Variants in PTPRM observed in about 807,000 individuals in gnomAD.
PTPRM encodes the protein receptor-type tyrosine-protein phosphatase mu.
In PTPRM, 47 loss-of-function variants were observed where a neutral mutation model predicts 186.7. That is an observed-to-expected ratio of 0.25 (90% CI 0.20 to 0.32). PTPRM has a LOEUF of 0.32. PTPRM is among the 10% of genes least tolerant of loss of function. The pLI is 1.00. For synonymous variants in PTPRM, 668 were observed against 674.9 expected (o/e 0.99, Z 0.16); for missense variants, 1,494 against 1,865.0 (o/e 0.80, Z 3.66).
rs1055678521 is a variant in PTPRM at position 7,586,301 on chromosome 18, C to T, written c.73+18410C>T. On this transcript the variant is annotated intron_variant, in intron 1 of 32. Transcript: ENST00000580170. ...TGGTTGGTTAGTCAGGAGTCCACTA[C>T]GGGTGGATGAATGGTTCAGGTATTG... Among the ~76,000 whole-genome samples, 7 of 152,050 alleles carry T rather than the reference C, an allele frequency of 4.6e-5. No homozygotes were observed. In the East Asian group the frequency reaches 5.8e-4, roughly 13 times the overall value.
At chr18:7,852,966 G>A (rs1488172725) in intron 2 of PTPRM, among the ~76,000 whole-genome samples, 6 of 152,154 alleles carry the variant, frequency 3.9e-5, no homozygotes, top group Non-Finnish European at 5.9e-5. Context: ...CTTTAGGCAA[G>A]AAACTTAATA....
At chr18:7,989,456 G>A (rs979071121) in intron 7 of PTPRM, among the ~76,000 whole-genome samples, 1 of 152,116 alleles carries the variant, frequency 6.6e-6, no homozygotes, top group Non-Finnish European at 1.5e-5. Context: ...ATGCCTCCTT[G>A]AGCAGGACGT....
At chr18:8,349,880 C>G (rs901678794) in intron 23 of PTPRM, among the ~76,000 whole-genome samples, 6 of 152,226 alleles carry the variant, frequency 3.9e-5, no homozygotes, top group African/African-American at 9.6e-5. Context: ...AGCAGCGTCC[C>G]CACTGGTCAC....
chr18:7,575,184 C>A (rs1219915137), intron 1 of PTPRM, among the ~76,000 whole-genome samples: 2 of 152,178 alleles, frequency 1.3e-5, no homozygotes, highest in African/African-American at 4.8e-5. Context: ...TAAAAATAAT[C>A]ATGATGTCTT....
intron 13 of PTPRM, among the ~76,000 whole-genome samples, chr18:8,118,332 T>A (rs1600668211): frequency 6.6e-6 from 1 of 151,968 alleles, no homozygotes; most frequent in South Asian, 2.1e-4. Context: ...TGCTTTGGGG[T>A]TTTTTTGGGT....
chr18:7,876,833 G>A (rs556642684), intron 2 of PTPRM, among the ~76,000 whole-genome samples: 1 of 152,182 alleles, frequency 6.6e-6, no homozygotes, highest in African/African-American at 2.4e-5. Context: ...TAAACTGAGA[G>A]GCAGCTTAGT....
intron 1 of PTPRM, among the ~76,000 whole-genome samples, chr18:7,701,895 C>G (rs886193845): frequency 2.0e-5 from 3 of 152,018 alleles, no homozygotes; most frequent in Non-Finnish European, 4.4e-5. Flanking sequence ...ATGTCCCCCT[C>G]CCTGTGTCCA....
In PTPRM at chr18:7,768,021, A is replaced by G. The variant is rs1004999310; in HGVS notation, c.74-6128A>G. Among the ~76,000 whole-genome samples, 9 of 152,316 alleles carry G rather than the reference A, an allele frequency of 5.9e-5. No homozygotes were observed. In the South Asian group the frequency reaches 1.5e-3, roughly 25 times the overall value. On this transcript the variant is annotated intron_variant, in intron 1 of 32. Coordinates refer to ENST00000580170, the MANE Select transcript of PTPRM (RefSeq NM_001105244.2). ...GGGGGATTCATTACCTATCCTTTTAAAAAGGCTTTATTGGGTGTTTATCAT... is the reference window on the plus strand; with the variant it reads ...GGGGGATTCATTACCTATCCTTTTAGAAAGGCTTTATTGGGTGTTTATCAT...
chr18:7,691,020 CT>C (rs1459897924), intron 1 of PTPRM, among the ~76,000 whole-genome samples: 16 of 152,102 alleles, frequency 1.1e-4, no homozygotes, highest in Non-Finnish European at 1.5e-5. Flanking sequence ...AAATATTTAC[CT>C]TTTTTTCACT....
chr18:8,099,799 C>T (rs1460217573), intron 11 of PTPRM, among the ~76,000 whole-genome samples: 5 of 152,262 alleles, frequency 3.3e-5, no homozygotes, highest in East Asian at 3.9e-4. Context: ...TAAGAGAACA[C>T]GTGGCACAGA....
At chr18:7,732,316 C>T (rs1051011940) in intron 1 of PTPRM, among the ~76,000 whole-genome samples, 8 of 152,124 alleles carry the variant, frequency 5.3e-5, no homozygotes, top group African/African-American at 1.9e-4. Context: ...GTGTCTTAAG[C>T]AGCCACATGA....
chr18:8,238,649 G>GTGT (rs151244702), intron 14 of PTPRM, among the ~76,000 whole-genome samples: 1 of 73,650 alleles, frequency 1.4e-5, no homozygotes, highest in African/African-American at 4.2e-5. Context: ...ACTGTTTTGT[G>GTGT]TGTTTTTTTT....
chr18:7,889,167 A>G (rs998564821), intron 3 of PTPRM, among the ~76,000 whole-genome samples: 4 of 152,116 alleles, frequency 2.6e-5, no homozygotes, highest in African/African-American at 9.7e-5. Flanking sequence ...AGAAAAACCT[A>G]TGCTATTTGA....
intron 7 of PTPRM, among the ~76,000 whole-genome samples, chr18:8,013,542 G>A (rs2084672172): frequency 6.6e-6 from 1 of 152,128 alleles, no homozygotes. Flanking sequence ...TTGTCTTCAG[G>A]TTGAGTGGGC....
At chr18:7,790,625 G>A (rs2043296335) in intron 2 of PTPRM, among the ~76,000 whole-genome samples, 1 of 152,184 alleles carries the variant, frequency 6.6e-6, no homozygotes, top group Admixed American at 6.5e-5. Flanking sequence ...TTAAAGAGGA[G>A]ATCTCTCTAA....
chr18:7,807,028 T>G (rs1037979264), intron 2 of PTPRM, among the ~76,000 whole-genome samples: 1 of 152,244 alleles, frequency 6.6e-6, no homozygotes, highest in African/African-American at 2.4e-5. Flanking sequence ...CTGTGGCACC[T>G]GGGCAGTGCT....
chr18:7,650,447 C>G (rs1302919054), intron 1 of PTPRM, among the ~76,000 whole-genome samples: 1 of 121,072 alleles, frequency 8.3e-6, no homozygotes, highest in African/African-American at 4.1e-5. Flanking sequence ...TTTCAAATCC[C>G]CCCCCCCCCC....
intron 5 of PTPRM, among the ~76,000 whole-genome samples, chr18:7,933,784 T>G (rs1352823185): frequency 6.6e-6 from 1 of 152,226 alleles, no homozygotes. Flanking sequence ...CTGCAGTTCC[T>G]GTTCAGAGGA....
intron 32 of PTPRM, among the ~76,000 whole-genome samples, chr18:8,397,002 A>T (rs1231447533): frequency 6.6e-6 from 1 of 152,244 alleles, no homozygotes; most frequent in South Asian, 2.1e-4. Flanking sequence ...GTACAGTTTT[A>T]TTGGGCATCA....
Sources: allele counts gnomAD v4.1 joint callset (sites outside exome capture counted in the v4.1 genomes callset), GRCh38; gene constraint gnomAD v4.1.1; transcripts MANE v1.5; gene names NCBI Gene and HGNC (gene_info 2026-07-23, HGNC 2026-07-21).